ATXN2: variants seen among roughly 807,000 people sequenced by gnomAD.
ATXN2 encodes the protein ataxin 2, also known as ataxin-2.
Under a neutral mutation model 138.6 loss-of-function variants are expected in ATXN2, and 37 were observed. The observed-to-expected ratio is 0.27, with a 90% CI of 0.21 to 0.35. ATXN2 has a LOEUF of 0.35. Ranked by LOEUF, ATXN2 falls within the 10% of genes least tolerant of loss-of-function variation. The probability of loss-of-function intolerance (pLI) is 1.00; values close to 1 mark genes in which losing one functional copy is unlikely to be tolerated. For missense variants in ATXN2, 1,216 were observed against 1,480.3 expected (o/e 0.82, Z 2.93); for synonymous variants, 549 against 543.7 (o/e 1.01, Z -0.13).
chr12:111,501,588 G>A (rs1236189246), intron 14 of ATXN2, among the ~76,000 whole-genome samples: 1 of 152,162 alleles, frequency 6.6e-6, no homozygotes, highest in Non-Finnish European at 1.5e-5. Flanking sequence ...CTGGCGCATC[G>A]CAAGCTTTAC....
intron 1 of ATXN2, chr12:111,581,664 C>G: frequency 2.8e-6 from 2 of 723,530 alleles, no homozygotes; most frequent in Non-Finnish European, 5.1e-6. Flanking sequence ...CTGATCAGGG[C>G]CCAGGCCTAT....
intron 5 of ATXN2, among the ~76,000 whole-genome samples, chr12:111,541,117 C>G (rs1881476591): frequency 6.7e-6 from 1 of 149,926 alleles, no homozygotes; most frequent in Admixed American, 6.7e-5. Flanking sequence ...CAGATTTGCT[C>G]CAGTGTAGTC....
At chr12:111,452,965 G>C (rs901820210) in intron 24 of ATXN2, 125 bp from the exon 25 acceptor site, 1 of 1,058,828 alleles carries the variant, frequency 9.4e-7, no homozygotes, top group Non-Finnish European at 1.2e-6. Flanking sequence ...AATTGAATTC[G>C]CTTTTCCCCC....
At chr12:111,483,455 T>TTTA (rs1195214066) in intron 18 of ATXN2, among the ~76,000 whole-genome samples, 1 of 133,358 alleles carries the variant, frequency 7.5e-6, no homozygotes. Flanking sequence ...AAGAACTCTT[T>TTTA]TTTTTTTTTT....
chr12:111,532,602 A>G (rs1386683628), intron 5 of ATXN2, among the ~76,000 whole-genome samples: 3 of 152,218 alleles, frequency 2.0e-5, no homozygotes, highest in African/African-American at 4.8e-5. Flanking sequence ...TTTGTTGCCC[A>G]TATTTTTAAA....
intron 18 of ATXN2, among the ~76,000 whole-genome samples, chr12:111,475,344 CA>C (rs772048264): frequency 0.15 from 6,641 of 45,786 alleles, 425 homozygotes; most frequent in East Asian, 0.56. Context: ...GATTCCATCT[CA>C]AAAAAAAAAA....
At chr12:111,569,820 A>C (rs1260921589) in intron 1 of ATXN2, among the ~76,000 whole-genome samples, 1 of 152,140 alleles carries the variant, frequency 6.6e-6, no homozygotes, top group African/African-American at 2.4e-5. Context: ...TTGGTCATGA[A>C]GCCATGAACA....
chr12:111,455,183 G>A (rs935706802), intron 23 of ATXN2: 1 of 699,608 alleles, frequency 1.4e-6, no homozygotes, highest in African/African-American at 1.7e-5. Flanking sequence ...AGAGAGTTCT[G>A]TTATGAAAGT....
At position 111,516,202 on chromosome 12, in the gene ATXN2, C is replaced by A; in HGVS notation, c.1327G>T (p.Gly443Cys). 6.3e-7 allele frequency: 1 copy of A among 1,583,480 alleles called. No homozygotes were observed. The highest frequency in any genetic ancestry group is 1.9e-5 in the Admixed American group (1 of 51,482). ...SRPPSHPSAH[G>C]SPAPVSTMPK... ...ATAGTAGAGACAGGAGCTGGAGAAC[C>A]ATGAGCAGAGGGGTGAGACGGGGGT... The change falls in exon 10 of 25, where the codon GGT (glycine) becomes TGT (cysteine). Residue 443 changes from glycine (G) to cysteine (C), a missense_variant. Coordinates refer to ENST00000673436, the MANE Select transcript of ATXN2 (RefSeq NM_001372574.1). This position sits in a 1 kb window ranked among gnomAD's most constrained non-coding sequence, Gnocchi z 5.0.
At chr12:111,496,257 C>G (rs1878415272) in intron 14 of ATXN2, among the ~76,000 whole-genome samples, 1 of 152,056 alleles carries the variant, frequency 6.6e-6, no homozygotes, top group Non-Finnish European at 1.5e-5. Context: ...AGAGGCCGGG[C>G]ACGGTGGCTC....
chr12:111,478,348 G>A (rs1441004452), intron 18 of ATXN2, among the ~76,000 whole-genome samples: 1 of 152,080 alleles, frequency 6.6e-6, no homozygotes, highest in African/African-American at 2.4e-5. Context: ...GGAGGTTGCA[G>A]TGAGCCAAGA....
intron 14 of ATXN2, among the ~76,000 whole-genome samples, chr12:111,507,617 G>A (rs1214494657): frequency 1.3e-5 from 2 of 152,216 alleles, no homozygotes; most frequent in Non-Finnish European, 1.5e-5. Context: ...CTTCTGGGAA[G>A]TGAGGAGCCC....
chr12:111,482,134 T>C (rs1877281444), intron 18 of ATXN2, among the ~76,000 whole-genome samples: 1 of 150,704 alleles, frequency 6.6e-6, no homozygotes, highest in African/African-American at 2.4e-5. Context: ...GGTGGATCAC[T>C]TGAGGCCAGG....
chr12:111,565,664 C>T (rs943803308), intron 1 of ATXN2, among the ~76,000 whole-genome samples: 1 of 152,088 alleles, frequency 6.6e-6, no homozygotes, highest in Non-Finnish European at 1.5e-5. Context: ...TCTTTCTCCT[C>T]GTGCCTCTCT....
chr12:111,591,570 C>G (rs1884666514), intron 1 of ATXN2, among the ~76,000 whole-genome samples: 1 of 152,018 alleles, frequency 6.6e-6, no homozygotes, highest in African/African-American at 2.4e-5. Context: ...GAGGCTAAGA[C>G]AGGAGAAATG....
At chr12:111,592,851 T>C (rs562786908) in intron 1 of ATXN2, among the ~76,000 whole-genome samples, 18 of 147,594 alleles carry the variant, frequency 1.2e-4, no homozygotes, top group African/African-American at 2.3e-4. Flanking sequence ...TCCGTTGAAG[T>C]TGTCACAATC....
chr12:111,522,228 T>TAA (rs35035921), intron 6 of ATXN2, among the ~76,000 whole-genome samples: 14 of 108,128 alleles, frequency 1.3e-4, no homozygotes, highest in Admixed American at 5.6e-4. Context: ...ATGCCCTACA[T>TAA]AAAAAAAAAA....
At chr12:111,547,110 C>T (rs901568391) in intron 5 of ATXN2, among the ~76,000 whole-genome samples, 8 of 152,220 alleles carry the variant, frequency 5.3e-5, no homozygotes, top group Non-Finnish European at 1.0e-4. Context: ...ACTTAAAAGT[C>T]ACACTGACCT....
At chr12:111,556,386 T>C (rs1037354351) in intron 1 of ATXN2, among the ~76,000 whole-genome samples, 2 of 151,848 alleles carry the variant, frequency 1.3e-5, no homozygotes, top group Non-Finnish European at 2.9e-5. Flanking sequence ...TAAATAATAA[T>C]CTTTACTCCC....
Sources: gnomAD v4.1 joint callset for allele counts (sites outside exome capture counted in the v4.1 genomes callset) on GRCh38, gnomAD v4.1.1 for gene constraint, Gnocchi (gnomAD v3.1) non-coding constraint, MANE v1.5 for transcripts, NCBI Gene and HGNC (gene_info 2026-07-23, HGNC 2026-07-21) for gene names.